Variants in GCG observed in about 807,000 individuals in gnomAD.
The protein encoded by GCG is pro-glucagon.
Under a neutral mutation model 22.8 loss-of-function variants are expected in GCG, and 11 were observed. The observed-to-expected ratio is 0.48, with a 90% CI of 0.30 to 0.80. GCG has a LOEUF of 0.80. Among genes scored for constraint, GCG ranks in the 30% least tolerant of loss-of-function variants. The probability of loss-of-function intolerance (pLI) is 0.06; values close to 1 mark genes in which losing one functional copy is unlikely to be tolerated. For missense variants in GCG, 222 were observed against 222.0 expected, an observed-to-expected ratio of 1.00 and a Z score of 0.00; for synonymous variants, 89 against 72.4, an observed-to-expected ratio of 1.23 and a Z score of -1.16.
At chr2:162,150,471 T>C (rs1686806039) in intron 1 of GCG, among the ~76,000 whole-genome samples, 1 of 152,158 alleles carries the variant, frequency 6.6e-6, no homozygotes, top group East Asian at 1.9e-4. Context: ...TTAAGTTTTT[T>C]GTACATTGAA....
Position 162,143,192 on chromosome 2 carries a change from T to A in GCG, c.*172A>T, listed in dbSNP as rs754344538. The A allele has an allele frequency of 2.5e-4, 103 of 414,316 alleles. No homozygotes were observed. Among genetic ancestry groups the A allele is most frequent in the Non-Finnish European group, 3.4e-4 (76 of 225,446 alleles). The allele number at this position is 414,316 out of a possible 1,614,324, so 25.7% of individuals were successfully genotyped here. The stretch of plus-strand genomic sequence containing the variant: ...TATTTTAGCAATATTTTGATAAAAC[T>A]TTATTCCATTTGTAATTTTTGGCTA... On this transcript the variant is annotated 3_prime_UTR_variant, in exon 6 of 6. Coordinates refer to ENST00000418842, the MANE Select transcript of GCG (RefSeq NM_002054.5).
chr2:162,147,705 C>A (rs77608104), intron 2 of GCG, 191 bp from the exon 3 acceptor site: 1 of 664,304 alleles, frequency 1.5e-6, no homozygotes, highest in Non-Finnish European at 2.7e-6. Flanking sequence ...TAGTTGCATA[C>A]GCTATTATTC....
chr2:162,145,041 C>T (rs1686646798), intron 4 of GCG: 1 of 152,008 alleles, frequency 6.6e-6, no homozygotes, highest in Non-Finnish European at 1.5e-5. Context: ...TAGGTTTGGT[C>T]ACTTTCAGTC....
rs1576113727 is a variant in GCG, at chr2:162,147,375, A to G, written c.232T>C (p.Leu78=). The G allele has an allele frequency of 1.2e-6, 2 of 1,613,114 alleles. No homozygotes were observed. Among genetic ancestry groups the G allele is most frequent in the Non-Finnish European group, 8.5e-7 (1 of 1,179,270 alleles). Residue 78 remains leucine, a synonymous_variant, in exon 3 of 6, where the codon TTG becomes CTG. Coordinates refer to ENST00000418842, the MANE Select transcript of GCG (RefSeq NM_002054.5). ...SRRAQDFVQW[L]MNTKRNRNNI... ...TACCTGTTCCTCTTGGTATTCATCA[A>G]CCACTGCACAAAATCTTGGGCACGC... is the stretch of plus-strand genomic sequence containing the variant.
rs1461321152 is a variant in GCG, at chr2:162,147,188, G to A, written c.254+165C>T. On this transcript the variant is annotated intron_variant, in intron 3 of 5. Coordinates refer to ENST00000418842, the MANE Select transcript of GCG (RefSeq NM_002054.5). ...TAGAGGGGTGCGGGTTAAGACATTC[G>A]GGGGCATAATACTAAGGAGAGCATC... is the stretch of plus-strand genomic sequence containing the variant. Among the ~76,000 whole-genome samples the A allele has an allele frequency of 2.6e-5, 4 of 152,042 alleles. No individual in the cohort carries two copies. In the East Asian group the frequency reaches 7.7e-4, roughly 29 times the overall value.
intron 1 of GCG, among the ~76,000 whole-genome samples, chr2:162,151,493 C>T (rs1468952880): frequency 6.6e-6 from 1 of 152,092 alleles, no homozygotes; most frequent in East Asian, 1.9e-4. Flanking sequence ...GATTTTATTA[C>T]TATTTATCCT....
At chr2:162,148,786 G>A (rs1686759473) in intron 2 of GCG, among the ~76,000 whole-genome samples, 1 of 152,088 alleles carries the variant, frequency 6.6e-6, no homozygotes, top group African/African-American at 2.4e-5. Context: ...AATAATTGAA[G>A]TAATCTATTA....
chr2:162,151,718 A>T (rs1686842004), intron 1 of GCG, among the ~76,000 whole-genome samples: 1 of 152,176 alleles, frequency 6.6e-6, no homozygotes, highest in Admixed American at 6.6e-5. Flanking sequence ...AGAGATTTTA[A>T]TTGGTAAAAA....
chr2:162,147,542 T>C lies in GCG; in HGVS notation c.93-28A>G, dbSNP rs1057402933. 1.6e-5 allele frequency: 26 copies of C among 1,607,628 alleles called. No individual in the cohort carries two copies. The Admixed American group carries it at 4.2e-4, about 26-fold the overall frequency. ...GTGAAGAACAGTGATTGGTACAACA[T>C]AAATCTCTCCTCAAGAGTAGACTCA... is the stretch of plus-strand genomic sequence containing the variant. On this transcript the variant is annotated intron_variant, in intron 2 of 5. Coordinates refer to ENST00000418842, the MANE Select transcript of GCG (RefSeq NM_002054.5).
At chr2:162,143,884 A>G in intron 5 of GCG, 143 bp downstream of exon 5, 2 of 701,814 alleles carry the variant, frequency 2.8e-6, no homozygotes, top group Non-Finnish European at 5.1e-6. Context: ...ATGTACTCTT[A>G]TATGACTTAA....
chr2:162,146,913 A>G (rs1686702725), intron 3 of GCG, among the ~76,000 whole-genome samples: 1 of 152,160 alleles, frequency 6.6e-6, no homozygotes, highest in South Asian at 2.1e-4. Flanking sequence ...TTTATTCTAC[A>G]AGAAAAGGAA....
At chr2:162,146,745 A>C (rs1686697164) in intron 3 of GCG, among the ~76,000 whole-genome samples, 1 of 151,994 alleles carries the variant, frequency 6.6e-6, no homozygotes, top group South Asian at 2.1e-4. Flanking sequence ...CTTGCGGATA[A>C]TTTCCTCCAG....
At chr2:162,148,015 C>A (rs549395996) in intron 2 of GCG, among the ~76,000 whole-genome samples, 27 of 152,066 alleles carry the variant, frequency 1.8e-4, no homozygotes, top group Admixed American at 3.3e-4. Flanking sequence ...AGGATACTTG[C>A]TAATTTGAAA....
intron 3 of GCG, 145 bp from the exon 4 acceptor site, chr2:162,145,822 C>T (rs1390248952): frequency 3.3e-6 from 2 of 612,096 alleles, no homozygotes; most frequent in East Asian, 2.8e-5. Context: ...GGGGATTTGT[C>T]GTGAAGCTAC....
intron 1 of GCG, among the ~76,000 whole-genome samples, chr2:162,151,268 T>TA (rs1686829943): frequency 6.6e-6 from 1 of 152,062 alleles, no homozygotes; most frequent in South Asian, 2.1e-4. Flanking sequence ...AAGAAGACAT[T>TA]ATGTTCTATC....
At position 162,149,153 on chromosome 2, in the gene GCG, C is replaced by A; in HGVS notation, c.26G>T (p.Gly9Val). The A allele has an allele frequency of 6.2e-7, 1 of 1,612,154 alleles. No homozygotes were observed. The highest frequency in any genetic ancestry group is 8.5e-7 in the Non-Finnish European group (1 of 1,178,688). Residue 9 changes from glycine (G) to valine (V), a missense_variant, in exon 2 of 6, where the codon GGA becomes GTA. Coordinates refer to ENST00000418842, the MANE Select transcript of GCG (RefSeq NM_002054.5). ...GCCTTGTACCAGCATTACAAATAAT[C>A]CAGCCACAAAGTAAATGCTTTTCAT... MKSIYFVAGLFVMLVQGSW... is the reference protein window; with the variant it reads MKSIYFVAVLFVMLVQGSW...
rs1289844725 is a variant in GCG at position 162,143,331 on chromosome 2, A to G, written c.*33T>C. On this transcript the variant is annotated 3_prime_UTR_variant, in exon 6 of 6. Transcript: ENST00000418842. The stretch of plus-strand genomic sequence containing the variant: ...AAACATCCCACGTGGCTAGCAGGTG[A>G]TGTTGTGAAGATGATCTTGAATAGT... 1 of 1,220,972 alleles carries G rather than the reference A, an allele frequency of 8.2e-7. No individual in the cohort carries two copies. Among genetic ancestry groups the G allele is most frequent in the Non-Finnish European group, 1.1e-6 (1 of 872,728 alleles). The allele number at this position is 1,220,972 out of a possible 1,614,324, so 75.6% of individuals were successfully genotyped here. A position where few individuals can be genotyped will look rare whatever the true frequency, so the allele number is the denominator to read the frequency against.
intron 2 of GCG, among the ~76,000 whole-genome samples, 196 bp downstream of exon 2, chr2:162,148,891 C>A (rs917823849): frequency 1.3e-5 from 2 of 151,360 alleles, no homozygotes; most frequent in African/African-American, 4.9e-5. Context: ...CATTTCTCTC[C>A]CCTTTTATTA....
intron 1 of GCG, among the ~76,000 whole-genome samples, chr2:162,151,640 AT>A (rs911004831): frequency 6.6e-6 from 1 of 152,080 alleles, no homozygotes; most frequent in Non-Finnish European, 1.5e-5. Context: ...ATGGACTTTG[AT>A]TTTTTGATAG....
Sources: gnomAD v4.1 joint callset for allele counts (sites outside exome capture counted in the v4.1 genomes callset) on GRCh38, gnomAD v4.1.1 for gene constraint, MANE v1.5 for transcripts, NCBI Gene and HGNC (gene_info 2026-07-23, HGNC 2026-07-21) for gene names.